The following SNX25 variants were observed in gnomAD, a reference collection of about 807,000 sequenced individuals.
The protein encoded by SNX25 is sorting nexin-25.
Under a neutral mutation model 113.7 loss-of-function variants are expected in SNX25, and 62 were observed. The ratio of observed to expected loss-of-function variants is 0.55; its 90% CI spans 0.44 to 0.67. SNX25 has a LOEUF of 0.67. Among genes scored for constraint, SNX25 ranks in the 30% least tolerant of loss-of-function variants. SNX25 has a pLI of 0.00. For missense variants in SNX25, 1,014 were observed against 1,161.0 expected (o/e 0.87, Z 1.84); for synonymous variants, 421 against 436.2 (o/e 0.97, Z 0.43).
chr4:185,329,745 AAAT>A (rs1176290051), intron 9 of SNX25, among the ~76,000 whole-genome samples: 5 of 152,118 alleles, frequency 3.3e-5, no homozygotes, highest in Non-Finnish European at 7.4e-5. Context: ...TTAGAGAGCT[AAAT>A]ACCCATTGTG....
At position 185,339,422 on chromosome 4, in the gene SNX25, A is replaced by T. The variant is rs1561030873; in HGVS notation, c.1958A>T (p.Glu653Val). ...GATGAAATAATCCTAATAGAGAAAG[A>T]ACGCACAGACCTTCAGCTGCACATG... The part of the protein sequence containing the change: ...LKDEIILIEK[E>V]RTDLQLHMAR... Residue 653 changes from glutamate (E) to valine (V), a missense_variant, in exon 11 of 19, where the codon GAA becomes GTA. By Grantham distance (121) the Glu-to-Val change is moderately radical. Transcript: ENST00000652585. The T allele has an allele frequency of 1.2e-6, 2 of 1,614,112 alleles. No homozygotes were observed. The highest frequency in any genetic ancestry group is 1.7e-6 in the Non-Finnish European group (2 of 1,179,980).
In SNX25 at chr4:185,334,201, TG is replaced by T. The variant is rs1044884911; in HGVS notation, c.1914+1444del. The stretch of plus-strand genomic sequence containing the variant: ...TAAAAATACAAAAATTAGCCAGGCA[TG>T]GTGGCATGCATGGTAATCCCAGCTA... On this transcript the variant is annotated intron_variant, in intron 10 of 18. Transcript: ENST00000652585. This position sits in a 1 kb window ranked among gnomAD's most constrained non-coding sequence, Gnocchi z 4.2. 9.1e-4 allele frequency among the ~76,000 whole-genome samples: 139 copies of T among 152,104 alleles called. No homozygotes were observed. The highest frequency in any genetic ancestry group is 3.2e-3 in the African/African-American group (133 of 41,498).
rs767135843 is a variant in SNX25 at position 185,209,746 on chromosome 4, C to T, written c.-81C>T. ...GTGGGCCGCGGGCGAGGCATGAGCG[C>T]GGGCTCCCCCTGCCTCCGGAGCGCC... On this transcript the variant is annotated 5_prime_UTR_variant, in exon 1 of 19. Transcript: ENST00000652585. This position sits in a 1 kb window ranked among gnomAD's most constrained non-coding sequence, Gnocchi z 5.2. The T allele has an allele frequency of 3.7e-4, 365 of 983,978 alleles. No homozygotes were observed. The highest frequency in any genetic ancestry group is 4.3e-4 in the Non-Finnish European group (357 of 829,410). The allele number at this position is 983,978 out of a possible 1,614,324, so 61.0% of individuals were successfully genotyped here. A position where few individuals can be genotyped will look rare whatever the true frequency, so the allele number is the denominator to read the frequency against.
chr4:185,353,355 G>A, intron 14 of SNX25, 130 bp from the exon 15 acceptor site: 1 of 657,820 alleles, frequency 1.5e-6, no homozygotes, highest in South Asian at 2.1e-5. Flanking sequence ...GGTAGTTTCT[G>A]CATGAAAACT....
the SNX25 span, chr4:185,376,795 A>C: frequency 5.8e-6 from 4 of 691,184 alleles, no homozygotes; most frequent in Non-Finnish European, 1.0e-5. Context: ...TAGTCGATGT[A>C]ATTGGACAGA....
chr4:185,357,992 T>G (rs2095346418), intron 16 of SNX25, among the ~76,000 whole-genome samples: 1 of 152,224 alleles, frequency 6.6e-6, no homozygotes, highest in Non-Finnish European at 1.5e-5. Context: ...GTCAGGAGGT[T>G]GTACTCTGTA....
At chr4:185,265,925 T>C (rs1748014262) in intron 4 of SNX25, among the ~76,000 whole-genome samples, 1 of 152,206 alleles carries the variant, frequency 6.6e-6, no homozygotes, top group Non-Finnish European at 1.5e-5. Flanking sequence ...GGCGCATGAC[T>C]GTACATAATT....
chr4:185,319,797 T>TA, intron 7 of SNX25, among the ~76,000 whole-genome samples: 1 of 152,334 alleles, frequency 6.6e-6, no homozygotes, highest in Admixed American at 6.5e-5. Context: ...TTATTCTATT[T>TA]AAAATGTAGT....
At chr4:185,325,999 A>G (rs2095154714) in intron 9 of SNX25, among the ~76,000 whole-genome samples, 1 of 152,250 alleles carries the variant, frequency 6.6e-6, no homozygotes, top group Non-Finnish European at 1.5e-5. Context: ...TACAAAAGAA[A>G]ACAGATTCTT....
At position 185,303,656 on chromosome 4, in the gene SNX25, C is replaced by CT. The variant is rs1182679915; in HGVS notation, c.1163-6978dup. On this transcript the variant is annotated intron_variant, in intron 6 of 18. Coordinates refer to ENST00000652585, the MANE Select transcript of SNX25 (RefSeq NM_001378034.2). ...CCTGGGCGACAGAGCGAGACTCTGTCTCAAAAAAAAAAAAAAAAAAAAAAA... is the reference window on the plus strand; with the variant it reads ...CCTGGGCGACAGAGCGAGACTCTGTCTTCAAAAAAAAAAAAAAAAAAAAAAA... Among the ~76,000 whole-genome samples, 738 of 112,896 alleles carry CT rather than the reference C, an allele frequency of 6.5e-3. 2 individuals are homozygous for CT. The highest frequency in any genetic ancestry group is 0.026 in the African/African-American group (704 of 26,750). 74.1% of individuals were successfully genotyped at this position (112,896 alleles called of 152,430 possible). A position where few individuals can be genotyped will look rare whatever the true frequency, so the allele number is the denominator to read the frequency against.
intron 1 of SNX25, among the ~76,000 whole-genome samples, chr4:185,243,254 T>C (rs755884070): frequency 9.2e-5 from 14 of 152,208 alleles, no homozygotes; most frequent in Admixed American, 9.2e-4. Flanking sequence ...TGATACTAAA[T>C]GCATTTATAA....
Position 185,332,792 on chromosome 4 carries a change from G to A in SNX25, c.1914+33G>A, listed in dbSNP as rs1407924095. 2.5e-6 allele frequency: 4 copies of A among 1,598,202 alleles called. No individual in the cohort carries two copies. In the South Asian group the frequency reaches 3.4e-5, roughly 13 times the overall value. ...TTTGCTTTCAAGGTTGTCTTTGAAA[G>A]TTAACATTTGTCTAATTTGGTAGTT... is the stretch of plus-strand genomic sequence containing the variant. On this transcript the variant is annotated intron_variant, in intron 10 of 18. Transcript: ENST00000652585.
At chr4:185,240,350 G>A (rs1272503092) in intron 1 of SNX25, among the ~76,000 whole-genome samples, 2 of 151,772 alleles carry the variant, frequency 1.3e-5, no homozygotes, top group Non-Finnish European at 2.9e-5. Context: ...CGGCCGGGCA[G>A]AGGCGCCTCT....
rs925241939 is a variant in SNX25 at position 185,257,899 on chromosome 4, T to C, written c.515-949T>C. 2.0e-5 allele frequency among the ~76,000 whole-genome samples: 3 copies of C among 152,210 alleles called. No homozygotes were observed. In the East Asian group the frequency reaches 5.8e-4, roughly 29 times the overall value. ...ATCTAAGACTGATTTATGGGATTCTTCCTAGGTTAGTTGAGGTCTTGTTAG... is the reference window on the plus strand; with the variant it reads ...ATCTAAGACTGATTTATGGGATTCTCCCTAGGTTAGTTGAGGTCTTGTTAG... On this transcript the variant is annotated intron_variant, in intron 2 of 18. Coordinates refer to ENST00000652585, the MANE Select transcript of SNX25 (RefSeq NM_001378034.2).
intron 1 of SNX25, among the ~76,000 whole-genome samples, chr4:185,212,491 G>GTTTTTGTTTTTTTT (rs59085661): frequency 9.5e-5 from 10 of 104,942 alleles, no homozygotes; most frequent in Admixed American, 3.2e-4. Context: ...GTGTGTGTGT[G>GTTTTTGTTTTTTTT]TTTTTTTTTT....
At position 185,246,349 on chromosome 4, in the gene SNX25, T is replaced by C. The variant is rs368705656; in HGVS notation, c.430-945T>C. Among the ~76,000 whole-genome samples, 122 of 152,290 alleles carry C rather than the reference T, an allele frequency of 8.0e-4. 1 individual carries two copies. The highest frequency in any genetic ancestry group is 3.4e-3 in the Middle Eastern group (1 of 294). On this transcript the variant is annotated intron_variant, in intron 1 of 18. Coordinates refer to ENST00000652585, the MANE Select transcript of SNX25 (RefSeq NM_001378034.2). ...TTGCCTTCTTAAAAGCTTGTAGAAA[T>C]AGATATTTCCCCCAACAATATATGA...
At position 185,362,762 on chromosome 4, in the gene SNX25, T is replaced by G. The variant is rs766102766; in HGVS notation, c.2934+51T>G. 6.0e-6 allele frequency: 9 copies of G among 1,496,844 alleles called. No individual in the cohort carries two copies. In the Admixed American group the frequency reaches 1.6e-4, roughly 26 times the overall value. The allele number at this position is 1,496,844 out of a possible 1,614,324, so 92.7% of individuals were successfully genotyped here. On this transcript the variant is annotated intron_variant, in intron 18 of 18. Coordinates refer to ENST00000652585, the MANE Select transcript of SNX25 (RefSeq NM_001378034.2). ...TTCCTGCTTTATTTTTGTCTGTTTC[T>G]TCGTTTGGTCAGAAAAAACATGTGC...
chr4:185,277,801 C>CGGCTCA, intron 5 of SNX25, among the ~76,000 whole-genome samples: 1 of 35,126 alleles, frequency 2.8e-5, no homozygotes, highest in Middle Eastern at 0.017. Flanking sequence ...GGCGGGATCT[C>CGGCTCA]GGCTCACTGC....
In SNX25 at chr4:185,353,593, C is replaced by T; in HGVS notation, c.2575C>T (p.Leu859Phe). Residue 859 changes from leucine (L) to phenylalanine (F), a missense_variant, in exon 15 of 19, where the codon CTT becomes TTT. Transcript: ENST00000652585. ...CATGTTGATTGGGGAGATTTTTGAA[C>T]TTCGAGGAAGTAAGCTTCTTTGTTA... is the stretch of plus-strand genomic sequence containing the variant. ...CFMLIGEIFELRGMFKWVRRT... is the reference protein window; with the variant it reads ...CFMLIGEIFEFRGMFKWVRRT... 6.2e-7 allele frequency: 1 copy of T among 1,613,502 alleles called. No individual in the cohort carries two copies. The highest frequency in any genetic ancestry group is 8.5e-7 in the Non-Finnish European group (1 of 1,179,438).
Sources: allele counts gnomAD v4.1 joint callset (sites outside exome capture counted in the v4.1 genomes callset), GRCh38; gene constraint gnomAD v4.1.1; non-coding constraint Gnocchi (gnomAD v3.1); transcripts MANE v1.5; gene names NCBI Gene and HGNC (gene_info 2026-07-23, HGNC 2026-07-21).